Variants in VPS13A observed in about 807,000 individuals in gnomAD.
VPS13A encodes vacuolar protein sorting 13 homolog A, also known as intermembrane lipid transfer protein VPS13A.
In VPS13A, 264 loss-of-function variants were observed where a neutral mutation model predicts 390.9. The observed-to-expected ratio is 0.68, with a 90% CI of 0.61 to 0.75. The LOEUF (loss-of-function observed/expected upper bound fraction) is 0.75. Ranked by LOEUF, VPS13A falls within the 30% of genes least tolerant of loss-of-function variation. The pLI is 0.00. For missense variants in VPS13A, 3,409 were observed against 3,733.9 expected, an observed-to-expected ratio of 0.91 and a Z score of 2.27; for synonymous variants, 1,231 against 1,227.1, an observed-to-expected ratio of 1.00 and a Z score of -0.07.
intron 1 of VPS13A, among the ~76,000 whole-genome samples, chr9:77,178,407 T>C (rs1477339195): frequency 1.3e-5 from 2 of 152,240 alleles, no homozygotes; most frequent in African/African-American, 4.8e-5. Context: ...TCGCCTGGGT[T>C]CGGCGGATAA....
At chr9:77,365,626 A>G (rs1024167624) in intron 60 of VPS13A, 53 bp downstream of exon 60, 2 of 1,118,146 alleles carry the variant, frequency 1.8e-6, no homozygotes, top group African/African-American at 3.1e-5. Flanking sequence ...TAGCAAATTG[A>G]TGTAGCATTT....
chr9:77,330,435 T>G (rs974159363), intron 45 of VPS13A, among the ~76,000 whole-genome samples: 1 of 152,184 alleles, frequency 6.6e-6, no homozygotes, highest in Non-Finnish European at 1.5e-5. Context: ...CTAGTTATTC[T>G]CAGCTTCCAA....
intron 68 of VPS13A, among the ~76,000 whole-genome samples, chr9:77,391,379 G>A (rs1479152438): frequency 1.3e-5 from 2 of 152,132 alleles, no homozygotes; most frequent in Admixed American, 6.5e-5. Flanking sequence ...TTCACTTGCC[G>A]AATGAAAGTT....
In VPS13A at chr9:77,369,518, A is replaced by G. The variant is rs17340234; in HGVS notation, c.8667+106A>G. ...TTAATAAGTGCAAACAGATTTTGGAACACACACAAAAGGACATCATTTTGC... is the reference window on the plus strand; with the variant it reads ...TTAATAAGTGCAAACAGATTTTGGAGCACACACAAAAGGACATCATTTTGC... On this transcript the variant is annotated intron_variant, in intron 63 of 71. Coordinates refer to ENST00000360280, the MANE Select transcript of VPS13A (RefSeq NM_033305.3). The G allele has an allele frequency of 0.073, 59,024 of 810,076 alleles. 2,703 individuals are homozygous for G. Among genetic ancestry groups the G allele is most frequent in the South Asian group, 0.12 (8,930 of 71,484 alleles). The allele number at this position is 810,076 out of a possible 1,614,324, so 50.2% of individuals were successfully genotyped here.
At chr9:77,316,460 A>G in intron 39 of VPS13A, 54 bp downstream of exon 39, 1 of 1,516,670 alleles carries the variant, frequency 6.6e-7, no homozygotes, top group Admixed American at 1.7e-5. Context: ...GATGTAGTGT[A>G]TACCATTTTA....
intron 33 of VPS13A, among the ~76,000 whole-genome samples, chr9:77,296,205 T>G (rs886416157): frequency 1.3e-5 from 2 of 152,212 alleles, no homozygotes; most frequent in Non-Finnish European, 2.9e-5. Flanking sequence ...TATCATCTTA[T>G]CTTCTCTGTC....
chr9:77,311,580 G>T (rs541272649), intron 35 of VPS13A, among the ~76,000 whole-genome samples: 1 of 152,044 alleles, frequency 6.6e-6, no homozygotes, highest in South Asian at 2.1e-4. Context: ...TAAAATATAT[G>T]CAGCAAAATT....
At chr9:77,291,966 T>TC (rs1387902193) in intron 31 of VPS13A, among the ~76,000 whole-genome samples, 3 of 152,154 alleles carry the variant, frequency 2.0e-5, no homozygotes, top group Non-Finnish European at 4.4e-5. Context: ...TTCTTGTTCT[T>TC]CCCCTAGAGT....
chr9:77,177,655 G>T lies in VPS13A; in HGVS notation c.-50G>T. The T allele has an allele frequency of 1.3e-6, 2 of 1,551,500 alleles. No individual in the cohort carries two copies. Among genetic ancestry groups the T allele is most frequent in the Non-Finnish European group, 1.8e-6 (2 of 1,128,708 alleles). On this transcript the variant is annotated 5_prime_UTR_variant, in exon 1 of 72. Coordinates refer to ENST00000360280, the MANE Select transcript of VPS13A (RefSeq NM_033305.3). ...GAGGGAGGGGCGTGGGGAAGGCGGC[G>T]GGAGGAGGAGCGCACGGGCCGGCTG...
At chr9:77,362,674 G>C (rs1410113603) in intron 59 of VPS13A, among the ~76,000 whole-genome samples, 1 of 152,186 alleles carries the variant, frequency 6.6e-6, no homozygotes, top group Non-Finnish European at 1.5e-5. Context: ...ATCTGATAGA[G>C]ACTGCATTGA....
At chr9:77,399,181 T>TAAAAAAAA (rs1223344360) in intron 68 of VPS13A, among the ~76,000 whole-genome samples, 21 of 34,928 alleles carry the variant, frequency 6.0e-4, no homozygotes, top group African/African-American at 7.3e-4. Flanking sequence ...AAAAAAAAAA[T>TAAAAAAAA]AAAAAAAAAA....
rs760121240 is a variant in VPS13A, at chr9:77,365,435, T to G, written c.8212-25T>G. 14 of 1,498,992 alleles carry G rather than the reference T, an allele frequency of 9.3e-6. No individual in the cohort carries two copies. The highest frequency in any genetic ancestry group is 3.6e-4 in the Middle Eastern group (2 of 5,618). 92.9% of individuals were successfully genotyped at this position (1,498,992 alleles called of 1,614,324 possible). ...CTCATGCAGGTAGGTCCCTTTAGTT[T>G]TAATATTTTGTGTTCCTTTTATAGG... On this transcript the variant is annotated intron_variant, in intron 59 of 71. Coordinates refer to ENST00000360280, the MANE Select transcript of VPS13A (RefSeq NM_033305.3).
chr9:77,345,950 A>G (rs1449255385), intron 52 of VPS13A, among the ~76,000 whole-genome samples: 2 of 152,092 alleles, frequency 1.3e-5, no homozygotes, highest in African/African-American at 2.4e-5. Context: ...AATTATCCAT[A>G]TTATAAAAAT....
intron 68 of VPS13A, among the ~76,000 whole-genome samples, chr9:77,401,802 A>C (rs1323581887): frequency 6.6e-6 from 1 of 152,206 alleles, no homozygotes; most frequent in African/African-American, 2.4e-5. Flanking sequence ...ACCCATGGCC[A>C]ACCATGGTTT....
Position 77,316,199 on chromosome 9 carries a change from G to A in VPS13A, c.4656G>A (p.Trp1552Ter). 6.2e-7 allele frequency: 1 copy of A among 1,611,434 alleles called. No individual in the cohort carries two copies. ...EEVPTQESVK[W>*]EINVIIKNPE... ...TACCTACACAGGAATCAGTGAAGTG[G>A]GAAATTAATGTTATTATTAAAAATC... The change falls in exon 39 of 72, where the codon TGG becomes TGA. Residue 1552 changes from tryptophan (W) to a stop codon, truncating the protein, a stop_gained. Transcript: ENST00000360280. LOFTEE classifies it high-confidence loss of function.
At chr9:77,253,936 CTTTTTTTTTT>C (rs1172781069) in intron 22 of VPS13A, among the ~76,000 whole-genome samples, 13 of 55,068 alleles carry the variant, frequency 2.4e-4, no homozygotes, top group South Asian at 7.8e-4. Flanking sequence ...GGCCTTTATT[CTTTTTTTTTT>C]TTTTTTTTTT....
chr9:77,311,729 A>G (rs1046570966), intron 35 of VPS13A, among the ~76,000 whole-genome samples: 2 of 152,254 alleles, frequency 1.3e-5, no homozygotes, highest in Non-Finnish European at 2.9e-5. Context: ...CAAAATTGAC[A>G]TAATTAATGT....
chr9:77,220,230 A>G, intron 11 of VPS13A, 47 bp from the exon 12 acceptor site: 1 of 1,561,630 alleles, frequency 6.4e-7, no homozygotes, highest in South Asian at 1.1e-5. Context: ...CAGCAATTGA[A>G]CAAAAAAATG....
intron 68 of VPS13A, among the ~76,000 whole-genome samples, chr9:77,394,763 G>C (rs561726753): frequency 1.2e-4 from 19 of 152,304 alleles, no homozygotes; most frequent in African/African-American, 4.6e-4. Flanking sequence ...TGTAGCTTCT[G>C]CATCAGCACT....
Sources: allele counts gnomAD v4.1 joint callset (sites outside exome capture counted in the v4.1 genomes callset), GRCh38; gene constraint gnomAD v4.1.1; transcripts MANE v1.5; gene names NCBI Gene and HGNC (gene_info 2026-07-23, HGNC 2026-07-21).